The following C10orf90 variants were observed in gnomAD, a reference collection of about 807,000 sequenced individuals.
C10orf90 encodes chromosome 10 open reading frame 90, also known as (E2-independent) E3 ubiquitin-conjugating enzyme FATS.
Under a neutral mutation model 62.5 loss-of-function variants are expected in C10orf90, and 56 were observed. The observed-to-expected ratio is 0.90, with a 90% CI of 0.72 to 1.12. C10orf90 has a LOEUF of 1.12. Among genes scored for constraint, C10orf90 ranks in the 50% most tolerant of loss-of-function variants. The probability of loss-of-function intolerance (pLI) is 0.00; values close to 1 mark genes in which losing one functional copy is unlikely to be tolerated. For missense variants in C10orf90, 970 were observed against 880.4 expected, an observed-to-expected ratio of 1.10 and a Z score of -1.29; for synonymous variants, 386 against 340.4, an observed-to-expected ratio of 1.13 and a Z score of -1.47.
chr10:126,581,507 C>T (rs1844751886), intron 2 of C10orf90, among the ~76,000 whole-genome samples: 1 of 132,068 alleles, frequency 7.6e-6, no homozygotes, highest in African/African-American at 3.0e-5. Context: ...CTCCGCAAGT[C>T]CTCCATCCTC....
At chr10:126,640,283 T>C (rs1228598014) in intron 2 of C10orf90, among the ~76,000 whole-genome samples, 1 of 152,246 alleles carries the variant, frequency 6.6e-6, no homozygotes, top group Non-Finnish European at 1.5e-5. Flanking sequence ...CAGAAGCCTG[T>C]TGCTCAAAGC....
intron 2 of C10orf90, among the ~76,000 whole-genome samples, chr10:126,558,230 A>G (rs1161741213): frequency 6.6e-6 from 1 of 152,184 alleles, no homozygotes; most frequent in African/African-American, 2.4e-5. Flanking sequence ...ATTACTGGTG[A>G]AACTAGACCA....
chr10:126,648,453 G>A (rs1031314844), intron 1 of C10orf90, among the ~76,000 whole-genome samples: 1 of 152,180 alleles, frequency 6.6e-6, no homozygotes, highest in Non-Finnish European at 1.5e-5. Flanking sequence ...TGTTATAGCA[G>A]CACAAAGAAG....
intron 1 of C10orf90, among the ~76,000 whole-genome samples, chr10:126,653,556 C>T (rs1165994004): frequency 6.6e-6 from 1 of 152,202 alleles, no homozygotes; most frequent in Admixed American, 6.5e-5. Context: ...AGATCTCTTG[C>T]TATTTCTACA....
chr10:126,512,615 C>T (rs1481036324), intron 3 of C10orf90, among the ~76,000 whole-genome samples: 2 of 152,084 alleles, frequency 1.3e-5, no homozygotes, highest in Admixed American at 6.6e-5. Context: ...GCAGAATCGC[C>T]CCCATGCCCT....
At chr10:126,634,383 A>G (rs574145425) in intron 2 of C10orf90, among the ~76,000 whole-genome samples, 1 of 152,344 alleles carries the variant, frequency 6.6e-6, no homozygotes, top group South Asian at 2.1e-4. Context: ...GACCAATACT[A>G]TATTATTCCA....
At chr10:126,581,393 G>A (rs1167474651) in intron 2 of C10orf90, among the ~76,000 whole-genome samples, 2 of 152,112 alleles carry the variant, frequency 1.3e-5, no homozygotes, top group Non-Finnish European at 2.9e-5. Flanking sequence ...AGGAGAGAGC[G>A]GTTTGAGAAC....
intron 2 of C10orf90, among the ~76,000 whole-genome samples, chr10:126,544,662 T>C (rs11245026): frequency 0.028 from 4,207 of 152,098 alleles, 83 homozygotes; most frequent in Non-Finnish European, 0.038. Context: ...AATGATAGAT[T>C]TAGAGGAAAG....
chr10:126,589,382 G>A lies in C10orf90; in HGVS notation c.313+57183C>T, dbSNP rs548715700. On this transcript the variant is annotated intron_variant, in intron 2 of 9. Transcript: ENST00000488181. ...ACCCCACTAAGATACTCCATGAGAA[G>A]ATCAACCCCAAGACACGATCATCAG... is the stretch of plus-strand genomic sequence containing the variant. Among the ~76,000 whole-genome samples, 4 of 152,176 alleles carry A rather than the reference G, an allele frequency of 2.6e-5. No individual in the cohort carries two copies. In the South Asian group the frequency reaches 8.3e-4, roughly 32 times the overall value.
At chr10:126,490,099 T>C (rs565338777) in intron 4 of C10orf90, among the ~76,000 whole-genome samples, 1 of 123,526 alleles carries the variant, frequency 8.1e-6, no homozygotes, top group Non-Finnish European at 1.6e-5. Flanking sequence ...ATATAATATA[T>C]AATATATATG....
In C10orf90 at chr10:126,504,711, CAG is replaced by C. The variant is rs1862613073; in HGVS notation, c.778_779del (p.Leu260ValfsTer7). The C allele has an allele frequency of 3.1e-6, 5 of 1,610,328 alleles. No individual in the cohort carries two copies. The highest frequency in any genetic ancestry group is 1.3e-5 in the African/African-American group (1 of 74,948). On this transcript the variant is annotated frameshift_variant, in exon 4 of 10. Coordinates refer to ENST00000488181, the MANE Select transcript of C10orf90 (RefSeq NM_001350921.2). LOFTEE classifies it high-confidence loss of function. This position sits in a 1 kb window ranked among gnomAD's most constrained non-coding sequence, Gnocchi z 4.1. ...ALVWGTAGDS[L>X]CPKCRAEDTL... ...TGTCCTCAGCCCTGCACTTGGGGCACAGAGAGTCCCCAGCAGTCCCCCACACC... is the reference window on the plus strand; with the variant it reads ...TGTCCTCAGCCCTGCACTTGGGGCACAGAGTCCCCAGCAGTCCCCCACACC...
chr10:126,475,742 T>A (rs1465637859), intron 4 of C10orf90, among the ~76,000 whole-genome samples: 1 of 152,178 alleles, frequency 6.6e-6, no homozygotes, highest in Non-Finnish European at 1.5e-5. Flanking sequence ...GATTTCATGC[T>A]GAGTTGTGAA....
intron 2 of C10orf90, among the ~76,000 whole-genome samples, chr10:126,538,578 C>T: frequency 6.6e-6 from 1 of 152,204 alleles, no homozygotes; most frequent in East Asian, 1.9e-4. Context: ...CAAAGGTTTA[C>T]CACTTGCCAC....
intron 4 of C10orf90, among the ~76,000 whole-genome samples, chr10:126,489,124 C>T (rs1861587161): frequency 6.6e-6 from 1 of 151,818 alleles, no homozygotes; most frequent in Admixed American, 6.6e-5. Context: ...AAAAAATCCC[C>T]CAAAATATTA....
intron 4 of C10orf90, among the ~76,000 whole-genome samples, chr10:126,484,202 C>A (rs1001715899): frequency 6.6e-6 from 1 of 152,146 alleles, no homozygotes; most frequent in South Asian, 2.1e-4. Flanking sequence ...CATCCCAGTT[C>A]TCTTCATGAA....
intron 2 of C10orf90, among the ~76,000 whole-genome samples, chr10:126,580,367 A>G (rs1844720590): frequency 6.6e-6 from 1 of 152,194 alleles, no homozygotes; most frequent in Non-Finnish European, 1.5e-5. Flanking sequence ...TTAAAAAGAC[A>G]TTAAGAGGCC....
At chr10:126,648,448 T>C (rs1162799291) in intron 1 of C10orf90, among the ~76,000 whole-genome samples, 3 of 152,242 alleles carry the variant, frequency 2.0e-5, no homozygotes, top group Admixed American at 2.0e-4. Context: ...TGGTCTGTTA[T>C]AGCAGCACAA....
chr10:126,629,271 T>C (rs1327194051), intron 2 of C10orf90, among the ~76,000 whole-genome samples: 2 of 152,236 alleles, frequency 1.3e-5, no homozygotes. Context: ...GCTAATTCCA[T>C]CTTTTTGGCG....
intron 2 of C10orf90, among the ~76,000 whole-genome samples, chr10:126,564,744 C>T (rs1039598090): frequency 1.5e-5 from 2 of 137,382 alleles, no homozygotes; most frequent in African/African-American, 2.8e-5. Context: ...CACTCATCCC[C>T]ACCCTCCTGA....
Sources: allele counts gnomAD v4.1 joint callset (sites outside exome capture counted in the v4.1 genomes callset), GRCh38; gene constraint gnomAD v4.1.1; non-coding constraint Gnocchi (gnomAD v3.1); transcripts MANE v1.5; gene names NCBI Gene and HGNC (gene_info 2026-07-23, HGNC 2026-07-21).